Variants in DLGAP2 observed in about 807,000 individuals in gnomAD.
DLGAP2 encodes disks large-associated protein 2.
In DLGAP2, 26 loss-of-function variants were observed where a neutral mutation model predicts 100.3. The observed-to-expected ratio is 0.26, with a 90% confidence interval of 0.19 to 0.36. DLGAP2 has a LOEUF of 0.36. DLGAP2 is among the 10% of genes least tolerant of loss of function. The pLI is 1.00. For synonymous variants in DLGAP2, 886 were observed against 630.1 expected (o/e 1.41, Z -6.08); for missense variants, 1,858 against 1,453.2 (o/e 1.28, Z -4.53).
intron 2 of DLGAP2, among the ~76,000 whole-genome samples, chr8:1,227,215 A>G (rs920927303): frequency 7.9e-6 from 1 of 126,274 alleles, no homozygotes; most frequent in Non-Finnish European, 1.5e-5. Flanking sequence ...AGAGTGTTAT[A>G]TATATATTTG....
At chr8:1,250,630 C>G (rs1396739126) in intron 2 of DLGAP2, 2 of 152,138 alleles carry the variant, frequency 1.3e-5, no homozygotes, top group South Asian at 4.2e-4. Flanking sequence ...CGTTCCCTCC[C>G]TGTCTGTGCA....
intron 3 of DLGAP2, among the ~76,000 whole-genome samples, chr8:1,490,512 G>C (rs1161612900): frequency 1.3e-5 from 2 of 152,240 alleles, no homozygotes; most frequent in African/African-American, 4.8e-5. Context: ...AGAGGGTGAT[G>C]GGAGAGTCCT....
chr8:1,179,382 TCTGA>T (rs767157969), intron 2 of DLGAP2, among the ~76,000 whole-genome samples: 6 of 152,242 alleles, frequency 3.9e-5, no homozygotes, highest in Non-Finnish European at 8.8e-5. Flanking sequence ...GCTGGGGGAC[TCTGA>T]CTGTGCAGTC....
At chr8:1,335,943 G>C (rs1053547419) in intron 3 of DLGAP2, among the ~76,000 whole-genome samples, 6 of 152,360 alleles carry the variant, frequency 3.9e-5, no homozygotes, top group African/African-American at 1.4e-4. Flanking sequence ...GTGGTGACGC[G>C]GGAGGCATCA....
chr8:965,422 G>T (rs1404377722), intron 2 of DLGAP2, among the ~76,000 whole-genome samples: 2 of 67,422 alleles, frequency 3.0e-5, no homozygotes, highest in African/African-American at 1.3e-4. Context: ...CCCGACCCCC[G>T]CATGCACACA....
chr8:742,449 C>T (rs750982178), intron 1 of DLGAP2, among the ~76,000 whole-genome samples: 32 of 152,218 alleles, frequency 2.1e-4, no homozygotes, highest in African/African-American at 6.7e-4. Flanking sequence ...TTAAGTTAGG[C>T]GGTATTGAAA....
At chr8:811,245 A>G (rs1210607089) in intron 1 of DLGAP2, among the ~76,000 whole-genome samples, 1 of 152,272 alleles carries the variant, frequency 6.6e-6, no homozygotes, top group Non-Finnish European at 1.5e-5. Context: ...TCTTGGAGAC[A>G]GCTTCTAGGA....
chr8:1,150,536 C>T (rs867961821), intron 2 of DLGAP2, among the ~76,000 whole-genome samples: 6 of 152,186 alleles, frequency 3.9e-5, no homozygotes, highest in African/African-American at 4.8e-5. Context: ...TAAAATTCCC[C>T]TTGGGACAGA....
intron 2 of DLGAP2, among the ~76,000 whole-genome samples, chr8:916,745 CTTG>C (rs1798602565): frequency 6.6e-6 from 1 of 152,348 alleles, no homozygotes; most frequent in East Asian, 1.9e-4. Flanking sequence ...AAGTCACCCA[CTTG>C]TTGTGATTTC....
chr8:1,462,961 C>A (rs1324073623), intron 3 of DLGAP2, among the ~76,000 whole-genome samples: 1 of 152,196 alleles, frequency 6.6e-6, no homozygotes, highest in East Asian at 1.9e-4. Context: ...AATTAAAGTT[C>A]AAGTGGGCCA....
chr8:1,065,771 C>G (rs2129036109), intron 2 of DLGAP2, among the ~76,000 whole-genome samples: 1 of 152,330 alleles, frequency 6.6e-6, no homozygotes, highest in Admixed American at 6.5e-5. Context: ...AGTTCAGAGA[C>G]AGAATCCTGA....
rs115638076 is a variant in DLGAP2, at chr8:1,213,887, A to C, written c.74-44964A>C. Among the ~76,000 whole-genome samples, 906 of 152,096 alleles carry C rather than the reference A, an allele frequency of 6.0e-3. 7 individuals are homozygous for C. Among genetic ancestry groups the C allele is most frequent in the African/African-American group, 0.02 (825 of 41,476 alleles). On this transcript the variant is annotated intron_variant, in intron 2 of 14. Transcript: ENST00000637795. ...AGCACATGGCAGACTCCGCCCCATCACTCGGGTCCTCACTCCTTTTGCTGG... is the reference window on the plus strand; with the variant it reads ...AGCACATGGCAGACTCCGCCCCATCCCTCGGGTCCTCACTCCTTTTGCTGG...
Position 1,701,766 on chromosome 8 carries a change from G to C in DLGAP2, c.*360G>C, listed in dbSNP as rs1799578731. 2 of 285,394 alleles carry C rather than the reference G, an allele frequency of 7.0e-6. No individual in the cohort carries two copies. The highest frequency in any genetic ancestry group is 1.3e-5 in the Non-Finnish European group (2 of 154,514). The allele number at this position is 285,394 out of a possible 1,614,324, so 17.7% of individuals were successfully genotyped here. ...TTTGTTATTTCTATTTTTATAAATT[G>C]TGTGATAATTAGAGGTAAGAATAAC... On this transcript the variant is annotated 3_prime_UTR_variant, in exon 15 of 15. Coordinates refer to ENST00000637795, the MANE Select transcript of DLGAP2 (RefSeq NM_001346810.2).
intron 2 of DLGAP2, among the ~76,000 whole-genome samples, chr8:1,117,777 A>T (rs570674968): frequency 6.6e-6 from 1 of 152,194 alleles, no homozygotes. Flanking sequence ...GAGCAGGCAC[A>T]CAGAATCACC....
chr8:1,417,479 G>A (rs948517884), intron 3 of DLGAP2, among the ~76,000 whole-genome samples: 1 of 152,214 alleles, frequency 6.6e-6, no homozygotes, highest in African/African-American at 2.4e-5. Context: ...AGGTTAATGT[G>A]GTAACAGTTT....
chr8:1,433,678 G>A (rs1797525464), intron 3 of DLGAP2, among the ~76,000 whole-genome samples: 1 of 150,804 alleles, frequency 6.6e-6, no homozygotes, highest in South Asian at 2.1e-4. Context: ...CTGAACACTG[G>A]TTAGGTGCCT....
intron 1 of DLGAP2, among the ~76,000 whole-genome samples, chr8:763,732 C>T (rs1235863348): frequency 6.6e-6 from 1 of 151,838 alleles, no homozygotes; most frequent in African/African-American, 2.4e-5. Context: ...ATACGTGTGT[C>T]CTGAGTGCAA....
intron 2 of DLGAP2, among the ~76,000 whole-genome samples, chr8:1,193,637 G>A (rs1372604475): frequency 6.6e-6 from 1 of 152,136 alleles, no homozygotes; most frequent in Non-Finnish European, 1.5e-5. Flanking sequence ...TACTTAGGTT[G>A]CTTCCCTGGC....
intron 1 of DLGAP2, among the ~76,000 whole-genome samples, chr8:857,872 A>ATT (rs35091275): frequency 2.0e-5 from 3 of 147,474 alleles, no homozygotes; most frequent in African/African-American, 7.5e-5. Context: ...CTTGCACATG[A>ATT]TTTTTTTTTT....
Sources: gnomAD v4.1 joint callset for allele counts (sites outside exome capture counted in the v4.1 genomes callset) on GRCh38, gnomAD v4.1.1 for gene constraint, MANE v1.5 for transcripts, NCBI Gene and HGNC (gene_info 2026-07-23, HGNC 2026-07-21) for gene names.